PTPRN2: variants seen among roughly 807,000 people sequenced by gnomAD.
The protein encoded by PTPRN2 is receptor-type tyrosine-protein phosphatase N2.
Under a neutral mutation model 118.8 loss-of-function variants are expected in PTPRN2, and 74 were observed. The ratio of observed to expected loss-of-function variants is 0.62; its 90% CI spans 0.52 to 0.76. PTPRN2 has a LOEUF of 0.76. Ranked by LOEUF, PTPRN2 falls within the 30% of genes least tolerant of loss-of-function variation. PTPRN2 has a pLI of 0.00. For missense variants in PTPRN2, 1,481 were observed against 1,394.4 expected, an observed-to-expected ratio of 1.06 and a Z score of -0.99; for synonymous variants, 641 against 608.0, an observed-to-expected ratio of 1.05 and a Z score of -0.80.
intron 12 of PTPRN2, among the ~76,000 whole-genome samples, chr7:157,824,011 C>G (rs1807013979): frequency 6.6e-6 from 1 of 152,172 alleles, no homozygotes; most frequent in Admixed American, 6.5e-5. Flanking sequence ...TGGACTGGCT[C>G]AAAAGTGGCC....
At chr7:158,442,091 A>G (rs1475325651) in intron 2 of PTPRN2, among the ~76,000 whole-genome samples, 2 of 148,170 alleles carry the variant, frequency 1.3e-5, no homozygotes, top group African/African-American at 5.0e-5. Context: ...GGTGATGGTG[A>G]TAGTGATGGT....
chr7:157,783,401 A>G (rs1803806090), intron 12 of PTPRN2, among the ~76,000 whole-genome samples: 1 of 151,420 alleles, frequency 6.6e-6, no homozygotes, highest in Non-Finnish European at 1.5e-5. Flanking sequence ...ACATACGTCC[A>G]TCCATACCTA....
chr7:157,554,819 G>A (rs1405253205), intron 21 of PTPRN2, among the ~76,000 whole-genome samples: 2 of 152,278 alleles, frequency 1.3e-5, no homozygotes, highest in African/African-American at 4.8e-5. Context: ...TTCCACCTAA[G>A]AAGCATCATG....
intron 12 of PTPRN2, among the ~76,000 whole-genome samples, chr7:157,744,518 T>C (rs1389026675): frequency 6.6e-6 from 1 of 152,192 alleles, no homozygotes; most frequent in Non-Finnish European, 1.5e-5. Context: ...ATTTTAATAT[T>C]AAAAAATTTA....
At chr7:157,914,512 A>G (rs1293833187) in intron 11 of PTPRN2, among the ~76,000 whole-genome samples, 1 of 152,194 alleles carries the variant, frequency 6.6e-6, no homozygotes, top group Non-Finnish European at 1.5e-5. Context: ...ATCATGTGTA[A>G]GATGTGTAAG....
intron 1 of PTPRN2, among the ~76,000 whole-genome samples, chr7:158,523,783 G>GCCCTGGAGTGGAGTCGTCTA (rs1824498374): frequency 4.4e-5 from 1 of 22,672 alleles, no homozygotes; most frequent in Non-Finnish European, 7.3e-5. Context: ...AGTGGAGTCT[G>GCCCTGGAGTGGAGTCGTCTA]CCCTGGAGTG....
chr7:158,303,796 G>A (rs773386614), intron 3 of PTPRN2, among the ~76,000 whole-genome samples: 13 of 152,230 alleles, frequency 8.5e-5, no homozygotes, highest in African/African-American at 2.9e-4. Flanking sequence ...CATGGTTTCC[G>A]AGGCTCCCAA....
intron 2 of PTPRN2, among the ~76,000 whole-genome samples, chr7:158,348,084 C>G (rs940194588): frequency 6.6e-6 from 1 of 152,154 alleles, no homozygotes; most frequent in African/African-American, 2.4e-5. Context: ...ACGGCCCCCT[C>G]CTACATGCTT....
At chr7:158,388,539 C>A (rs1365786949) in intron 2 of PTPRN2, among the ~76,000 whole-genome samples, 1 of 152,248 alleles carries the variant, frequency 6.6e-6, no homozygotes, top group Non-Finnish European at 1.5e-5. Context: ...GCAGGGCACA[C>A]GTCACACCTG....
intron 17 of PTPRN2, among the ~76,000 whole-genome samples, chr7:157,586,780 C>T (rs1017996760): frequency 2.6e-5 from 4 of 152,324 alleles, no homozygotes; most frequent in South Asian, 2.1e-4. Context: ...TCGGTCTGTC[C>T]GGGACACTCA....
At chr7:158,486,097 G>C (rs114558284) in intron 2 of PTPRN2, among the ~76,000 whole-genome samples, 1,546 of 152,336 alleles carry the variant, frequency 0.01, 23 homozygotes, top group African/African-American at 0.035. Context: ...GAGCAGCTTT[G>C]TGCTTCAAGT....
chr7:157,818,595 C>G (rs1806590457), intron 12 of PTPRN2, among the ~76,000 whole-genome samples: 1 of 152,062 alleles, frequency 6.6e-6, no homozygotes, highest in Non-Finnish European at 1.5e-5. Context: ...AGGCCCCCAG[C>G]TGGTGCCTCC....
chr7:158,296,661 C>A (rs1053455004), intron 3 of PTPRN2, among the ~76,000 whole-genome samples: 1 of 152,204 alleles, frequency 6.6e-6, no homozygotes, highest in African/African-American at 2.4e-5. Flanking sequence ...CACAGCCTGC[C>A]CGTCTGTATG....
chr7:157,804,428 A>C (rs1313600661), intron 12 of PTPRN2, among the ~76,000 whole-genome samples: 3 of 152,206 alleles, frequency 2.0e-5, no homozygotes. Context: ...AGTGGTGAAC[A>C]ACTCCAGTGT....
intron 3 of PTPRN2, among the ~76,000 whole-genome samples, chr7:158,268,784 CACACACA>C (rs1300415118): frequency 9.2e-5 from 10 of 108,168 alleles, no homozygotes; most frequent in South Asian, 5.3e-4. Context: ...CCCAGCCGCA[CACACACA>C]GGGCGGGTGT....
intron 3 of PTPRN2, among the ~76,000 whole-genome samples, chr7:158,293,953 CTGTG>C (rs1800290779): frequency 6.6e-6 from 1 of 152,212 alleles, no homozygotes; most frequent in South Asian, 2.1e-4. Flanking sequence ...CTGCCTGAGT[CTGTG>C]TGAGTGTTAG....
chr7:157,633,974 G>A (rs1027633530), intron 14 of PTPRN2, among the ~76,000 whole-genome samples: 2 of 152,202 alleles, frequency 1.3e-5, no homozygotes, highest in African/African-American at 4.8e-5. Context: ...GACTGCTGCA[G>A]CCCACCATGG....
intron 12 of PTPRN2, among the ~76,000 whole-genome samples, chr7:157,692,294 C>A (rs964258302): frequency 6.6e-6 from 1 of 152,096 alleles, no homozygotes; most frequent in Non-Finnish European, 1.5e-5. Flanking sequence ...CCACACCCCC[C>A]ACCTCCCCAG....
chr7:158,386,678 A>G (rs984282870), intron 2 of PTPRN2, among the ~76,000 whole-genome samples: 2 of 152,164 alleles, frequency 1.3e-5, no homozygotes, highest in African/African-American at 4.8e-5. Context: ...TCAATCCCCA[A>G]TCTTATCCAC....
Sources: allele counts gnomAD v4.1 joint callset (sites outside exome capture counted in the v4.1 genomes callset), GRCh38; gene constraint gnomAD v4.1.1; transcripts MANE v1.5; gene names NCBI Gene and HGNC (gene_info 2026-07-23, HGNC 2026-07-21).